Variants in IQCM observed in about 807,000 individuals in gnomAD.
IQCM encodes the protein IQ domain-containing protein M.
IQCM carries 45 observed loss-of-function variants against 57.6 expected under a neutral mutation model. That is an observed-to-expected ratio of 0.78 (90% CI 0.62 to 1.00). IQCM has a LOEUF of 1.00. IQCM is among the 50% of genes least tolerant of loss of function. The pLI, the probability that IQCM is intolerant of heterozygous loss-of-function variation, is 0.00. For missense variants in IQCM, 468 were observed against 511.6 expected, an observed-to-expected ratio of 0.91 and a Z score of 0.82; for synonymous variants, 148 against 158.9, an observed-to-expected ratio of 0.93 and a Z score of 0.51.
intron 12 of IQCM, among the ~76,000 whole-genome samples, chr4:149,453,985 G>C (rs1463706169): frequency 6.6e-6 from 1 of 151,536 alleles, no homozygotes; most frequent in African/African-American, 2.4e-5. Context: ...TGATGAGTAG[G>C]TAAACAAATG....
rs186813359 is a variant in IQCM at position 149,682,867 on chromosome 4, G to T, written c.477-661C>A. Reference sequence around the variant, plus strand: ...GCAGTATACAGTTCAGATTATTCCAGCTAGAAATGGGTGGGGTCAGGACTC... The same window carrying T: ...GCAGTATACAGTTCAGATTATTCCATCTAGAAATGGGTGGGGTCAGGACTC... On this transcript the variant is annotated intron_variant, in intron 6 of 13. Transcript: ENST00000636793. Among the ~76,000 whole-genome samples the T allele has an allele frequency of 2.0e-4, 30 of 151,166 alleles. No individual in the cohort carries two copies. In the East Asian group the frequency reaches 5.8e-3, roughly 29 times the overall value.
At chr4:149,362,079 C>G (rs1729533242) in intron 13 of IQCM, among the ~76,000 whole-genome samples, 1 of 152,174 alleles carries the variant, frequency 6.6e-6, no homozygotes. Flanking sequence ...TAAAATTTGA[C>G]TGCCCCACTG....
Position 149,459,710 on chromosome 4 carries a change from T to C in IQCM, c.1229-26153A>G, listed in dbSNP as rs183149287. Among the ~76,000 whole-genome samples the C allele has an allele frequency of 7.2e-5, 11 of 152,334 alleles. No homozygotes were observed. In the East Asian group the frequency reaches 1.7e-3, roughly 24 times the overall value. Reference sequence around the variant, plus strand: ...ACAGAATCTGTCTGTGATTGGCTTATTTCACATAGCATAATGTCCTCAAGA... The same window carrying C: ...ACAGAATCTGTCTGTGATTGGCTTACTTCACATAGCATAATGTCCTCAAGA... On this transcript the variant is annotated intron_variant, in intron 12 of 13. Transcript: ENST00000636793.
intron 7 of IQCM, among the ~76,000 whole-genome samples, chr4:149,674,248 C>T (rs1254850388): frequency 1.3e-5 from 2 of 152,066 alleles, no homozygotes; most frequent in African/African-American, 2.4e-5. Context: ...TAACTTTCCT[C>T]ATTAAGTAGA....
chr4:149,627,634 T>C (rs1756927651), intron 7 of IQCM, among the ~76,000 whole-genome samples: 1 of 152,118 alleles, frequency 6.6e-6, no homozygotes, highest in Non-Finnish European at 1.5e-5. Flanking sequence ...CCCAGGTCTA[T>C]CTTGAAGCTT....
chr4:149,633,292 G>A (rs1435069540), intron 7 of IQCM, among the ~76,000 whole-genome samples: 7 of 151,916 alleles, frequency 4.6e-5, no homozygotes, highest in African/African-American at 1.7e-4. Context: ...TTGGATGTAC[G>A]GATTAGCCAA....
intron 12 of IQCM, among the ~76,000 whole-genome samples, chr4:149,464,169 C>T (rs898799512): frequency 1.3e-5 from 2 of 152,102 alleles, no homozygotes; most frequent in African/African-American, 4.8e-5. Context: ...ATGTTCATAC[C>T]TCCCACCTGA....
At chr4:149,721,132 CAAT>C (rs1315673282) in intron 5 of IQCM, among the ~76,000 whole-genome samples, 1 of 151,854 alleles carries the variant, frequency 6.6e-6, no homozygotes, top group Non-Finnish European at 1.5e-5. Context: ...TTAAAATACA[CAAT>C]AAAAAATAAT....
At chr4:149,549,951 T>C (rs777408076) in intron 11 of IQCM, among the ~76,000 whole-genome samples, 4 of 152,262 alleles carry the variant, frequency 2.6e-5, no homozygotes, top group Non-Finnish European at 4.4e-5. Context: ...AATGTATATT[T>C]AGTGTATTTA....
chr4:149,581,274 T>TATAC (rs1373256986), intron 9 of IQCM, among the ~76,000 whole-genome samples: 1 of 150,636 alleles, frequency 6.6e-6, no homozygotes, highest in Non-Finnish European at 1.5e-5. Flanking sequence ...TATATATATA[T>TATAC]ATACATACAT....
At chr4:149,356,441 C>A (rs1406731706) in intron 13 of IQCM, among the ~76,000 whole-genome samples, 3 of 151,764 alleles carry the variant, frequency 2.0e-5, no homozygotes, top group African/African-American at 4.8e-5. Context: ...AGGAAGGGAT[C>A]CAGTTTCAGC....
intron 7 of IQCM, among the ~76,000 whole-genome samples, chr4:149,669,166 G>A (rs560008117): frequency 7.2e-5 from 11 of 152,094 alleles, no homozygotes; most frequent in African/African-American, 2.6e-4. Context: ...TTTCATGATC[G>A]CCATTCTAAC....
intron 12 of IQCM, among the ~76,000 whole-genome samples, chr4:149,502,491 G>C (rs1743354558): frequency 6.6e-6 from 1 of 151,958 alleles, no homozygotes; most frequent in South Asian, 2.1e-4. Flanking sequence ...AACAGAGGGA[G>C]ACCCTGTCTC....
At chr4:149,596,335 G>A (rs1753778724) in intron 8 of IQCM, among the ~76,000 whole-genome samples, 1 of 152,148 alleles carries the variant, frequency 6.6e-6, no homozygotes, top group East Asian at 1.9e-4. Context: ...GAGCTGATGG[G>A]AAAGTAATGG....
chr4:149,396,626 T>C (rs1239786650), intron 13 of IQCM, among the ~76,000 whole-genome samples: 2 of 152,042 alleles, frequency 1.3e-5, no homozygotes, highest in Admixed American at 6.6e-5. Flanking sequence ...GTACAATATG[T>C]TGTTATTGAC....
intron 8 of IQCM, among the ~76,000 whole-genome samples, chr4:149,596,940 C>A (rs1239711283): frequency 1.3e-5 from 2 of 152,006 alleles, no homozygotes; most frequent in African/African-American, 4.8e-5. Flanking sequence ...TCAGGAAATT[C>A]AGTAAACATG....
intron 5 of IQCM, among the ~76,000 whole-genome samples, chr4:149,722,026 G>C (rs1282681177): frequency 3.9e-5 from 6 of 151,968 alleles, no homozygotes; most frequent in Admixed American, 3.9e-4. Context: ...GTTTTAATTT[G>C]CATTTCCCTG....
intron 7 of IQCM, among the ~76,000 whole-genome samples, chr4:149,649,649 A>G (rs936008481): frequency 6.6e-6 from 1 of 152,214 alleles, no homozygotes; most frequent in African/African-American, 2.4e-5. Context: ...TACAAAAGCC[A>G]GAGCTTAATA....
chr4:149,582,307 CATATATATATATATAT>C lies in IQCM; in HGVS notation c.749+5607_749+5622del, dbSNP rs70965193. 2.4e-3 allele frequency among the ~76,000 whole-genome samples: 207 copies of C among 88,078 alleles called. 1 individual carries two copies. Among genetic ancestry groups the C allele is most frequent in the Admixed American group, 5.5e-3 (38 of 6,962 alleles). The allele number at this position is 88,078 out of a possible 152,430, so 57.8% of individuals were successfully genotyped here. A position where few individuals can be genotyped will look rare whatever the true frequency, so the allele number is the denominator to read the frequency against. On this transcript the variant is annotated intron_variant, in intron 9 of 13. Transcript: ENST00000636793. ...GTCAATCCAATGAAGATGCTGTAGA[CATATATATATATATAT>C]ATATATATATATATATATATATATA...
Sources: gnomAD v4.1 joint callset for allele counts (sites outside exome capture counted in the v4.1 genomes callset) on GRCh38, gnomAD v4.1.1 for gene constraint, MANE v1.5 for transcripts, NCBI Gene and HGNC (gene_info 2026-07-23, HGNC 2026-07-21) for gene names.